LRP1B: variants seen among roughly 807,000 people sequenced by gnomAD.
The protein encoded by LRP1B is low-density lipoprotein receptor-related protein 1B.
In LRP1B, 217 loss-of-function variants were observed where a neutral mutation model predicts 556.6. The ratio of observed to expected loss-of-function variants is 0.39; its 90% CI spans 0.35 to 0.44. The LOEUF (loss-of-function observed/expected upper bound fraction) is 0.44. Ranked by LOEUF, LRP1B falls within the 20% of genes least tolerant of loss-of-function variation. The pLI, the probability that LRP1B is intolerant of heterozygous loss-of-function variation, is 1.00. For synonymous variants in LRP1B, 2,047 were observed against 1,865.8 expected (o/e 1.10, Z -2.50); for missense variants, 5,053 against 5,620.8 (o/e 0.90, Z 3.23).
intron 1 of LRP1B, among the ~76,000 whole-genome samples, chr2:141,903,525 C>A (rs143024604): frequency 5.3e-5 from 8 of 151,796 alleles, no homozygotes; most frequent in African/African-American, 1.9e-4. Flanking sequence ...TAGAAAATAC[C>A]AGCAAGAAAA....
chr2:141,280,526 C>T lies in LRP1B; in HGVS notation c.344-25885G>A, dbSNP rs547856350. ...TGCCATGAAAAGCAATGGCAAAAACCTCAATTACTTTTGCAACAACTTAAT... is the reference window on the plus strand; with the variant it reads ...TGCCATGAAAAGCAATGGCAAAAACTTCAATTACTTTTGCAACAACTTAAT... On this transcript the variant is annotated intron_variant, in intron 3 of 90. Coordinates refer to ENST00000389484, the MANE Select transcript of LRP1B (RefSeq NM_018557.3). 5.3e-5 allele frequency among the ~76,000 whole-genome samples: 8 copies of T among 151,678 alleles called. No individual in the cohort carries two copies. The South Asian group carries it at 1.7e-3, about 32-fold the overall frequency.
At chr2:140,971,952 T>C (rs540145013) in intron 18 of LRP1B, among the ~76,000 whole-genome samples, 1 of 152,334 alleles carries the variant, frequency 6.6e-6, no homozygotes, top group South Asian at 2.1e-4. Flanking sequence ...GGAATCTTTA[T>C]CAGCAACAAG....
intron 2 of LRP1B, among the ~76,000 whole-genome samples, chr2:141,541,044 T>C (rs915353945): frequency 2.0e-5 from 3 of 152,018 alleles, no homozygotes; most frequent in Non-Finnish European, 4.4e-5. Context: ...AAAGATATCA[T>C]TCAAGTTAAA....
intron 1 of LRP1B, among the ~76,000 whole-genome samples, chr2:141,821,149 C>T (rs752104391): frequency 4.6e-4 from 70 of 152,188 alleles, no homozygotes; most frequent in Admixed American, 2.6e-3. Context: ...CTAGAGCCTC[C>T]AAAAGAACTC....
chr2:141,295,612 T>C (rs765783458), intron 3 of LRP1B, among the ~76,000 whole-genome samples: 1 of 152,118 alleles, frequency 6.6e-6, no homozygotes, highest in Non-Finnish European at 1.5e-5. Context: ...AGGCATGAGA[T>C]TCAGTAGGAC....
At chr2:141,413,447 G>A (rs1195463319) in intron 3 of LRP1B, among the ~76,000 whole-genome samples, 2 of 152,094 alleles carry the variant, frequency 1.3e-5, no homozygotes, top group Non-Finnish European at 2.9e-5. Flanking sequence ...AGCTGAAAAA[G>A]GCAAGGAAAC....
intron 3 of LRP1B, among the ~76,000 whole-genome samples, chr2:141,258,645 C>T (rs190647207): frequency 6.6e-6 from 1 of 152,140 alleles, no homozygotes; most frequent in East Asian, 1.9e-4. Context: ...GAATTGTAAT[C>T]CCCAATGTTG....
intron 7 of LRP1B, among the ~76,000 whole-genome samples, chr2:141,098,646 C>T (rs1304028739): frequency 1.3e-5 from 2 of 151,616 alleles, no homozygotes; most frequent in East Asian, 3.9e-4. Context: ...ATCATGTTCT[C>T]TTTATCTGTA....
At chr2:141,130,294 G>A (rs917220842) in intron 7 of LRP1B, among the ~76,000 whole-genome samples, 3 of 151,800 alleles carry the variant, frequency 2.0e-5, no homozygotes, top group Non-Finnish European at 2.9e-5. Context: ...TAGAAAAACA[G>A]GCAAATACAA....
chr2:141,596,116 C>T (rs549380221), intron 2 of LRP1B, among the ~76,000 whole-genome samples: 4 of 151,586 alleles, frequency 2.6e-5, no homozygotes, highest in African/African-American at 7.3e-5. Context: ...CATGGCAAAC[C>T]TTTTGTTTAT....
At chr2:140,570,283 A>G (rs976386240) in intron 43 of LRP1B, among the ~76,000 whole-genome samples, 20 of 151,512 alleles carry the variant, frequency 1.3e-4, no homozygotes, top group African/African-American at 4.8e-4. Flanking sequence ...ACAAACCATT[A>G]TCTAGGGTAA....
chr2:141,247,999 G>T (rs1684128880), intron 4 of LRP1B, among the ~76,000 whole-genome samples: 1 of 152,146 alleles, frequency 6.6e-6, no homozygotes, highest in African/African-American at 2.4e-5. Context: ...CCTGAGGCCA[G>T]GAGTTTGAGA....
At chr2:140,514,605 A>G (rs373555029) in intron 51 of LRP1B, 48 bp downstream of exon 51, 8 of 1,554,166 alleles carry the variant, frequency 5.1e-6, no homozygotes, top group South Asian at 2.5e-5. Flanking sequence ...ATGATAGAGC[A>G]TATATAATGC....
chr2:141,299,137 G>A lies in LRP1B; in HGVS notation c.344-44496C>T, dbSNP rs572520111. Among the ~76,000 whole-genome samples the A allele has an allele frequency of 3.3e-5, 5 of 152,110 alleles. No individual in the cohort carries two copies. The East Asian group carries it at 7.7e-4, about 24-fold the overall frequency. On this transcript the variant is annotated intron_variant, in intron 3 of 90. Coordinates refer to ENST00000389484, the MANE Select transcript of LRP1B (RefSeq NM_018557.3). Reference sequence around the variant, plus strand: ...TGGTCTTATGGAGAACAGTGTCCTCGAACTTCAGTATGGCTAACTCTAGAT... The same window carrying A: ...TGGTCTTATGGAGAACAGTGTCCTCAAACTTCAGTATGGCTAACTCTAGAT...
chr2:141,791,060 T>G (rs1292333268), intron 2 of LRP1B, among the ~76,000 whole-genome samples: 2 of 151,970 alleles, frequency 1.3e-5, no homozygotes, highest in East Asian at 3.9e-4. Context: ...TTTTAAAAAG[T>G]AATCTTTTAA....
chr2:140,514,611 A>G (rs760298351), intron 51 of LRP1B, 42 bp downstream of exon 51: 1 of 1,567,924 alleles, frequency 6.4e-7, no homozygotes, highest in Non-Finnish European at 8.6e-7. Context: ...GAGCATATAT[A>G]ATGCTTAAAA....
At chr2:141,175,876 C>T (rs553568658) in intron 7 of LRP1B, among the ~76,000 whole-genome samples, 103 of 152,214 alleles carry the variant, frequency 6.8e-4, no homozygotes, top group Non-Finnish European at 1.2e-3. Context: ...CAGAGCTGCC[C>T]AAGGCTGTAG....
intron 43 of LRP1B, among the ~76,000 whole-genome samples, chr2:140,547,681 A>G (rs941572757): frequency 3.4e-4 from 51 of 152,152 alleles, no homozygotes; most frequent in African/African-American, 1.2e-3. Context: ...TTTTATGGAT[A>G]AATTATATGA....
intron 3 of LRP1B, among the ~76,000 whole-genome samples, chr2:141,336,069 G>T (rs564610757): frequency 8.1e-6 from 1 of 123,160 alleles, no homozygotes; most frequent in East Asian, 2.3e-4. Flanking sequence ...AGCCTCAGAA[G>T]ACCTTTAAGT....
Sources: gnomAD v4.1 joint callset for allele counts (sites outside exome capture counted in the v4.1 genomes callset) on GRCh38, gnomAD v4.1.1 for gene constraint, MANE v1.5 for transcripts, NCBI Gene and HGNC (gene_info 2026-07-23, HGNC 2026-07-21) for gene names.